NMD3: variants seen among roughly 807,000 people sequenced by gnomAD.
The protein encoded by NMD3 is 60S ribosomal export protein NMD3.
NMD3 carries 47 observed loss-of-function variants against 73.1 expected under a neutral mutation model. The observed-to-expected ratio is 0.64, with a 90% confidence interval of 0.51 to 0.82. NMD3 has a LOEUF of 0.82. Among genes scored for constraint, NMD3 ranks in the 40% least tolerant of loss-of-function variants. The pLI is 0.00. For missense variants in NMD3, 554 were observed against 612.5 expected (o/e 0.90, Z 1.01); for synonymous variants, 210 against 194.5 (o/e 1.08, Z -0.66).
Position 161,242,670 on chromosome 3 carries a change from C to T in NMD3, c.1017+17C>T. 3 of 1,595,004 alleles carry T rather than the reference C, an allele frequency of 1.9e-6. No individual in the cohort carries two copies. The highest frequency in any genetic ancestry group is 1.7e-4 in the Middle Eastern group (1 of 5,940). ...TCAAAAAAGGTAAGCTACATCCTGC[C>T]TGCCAGTGTATTTTTTTTTCCCCTC... On this transcript the variant is annotated intron_variant, in intron 11 of 15. Coordinates refer to ENST00000351193, the MANE Select transcript of NMD3 (RefSeq NM_015938.5).
At chr3:161,231,356 A>G (rs758774356) in intron 4 of NMD3, among the ~76,000 whole-genome samples, 4 of 152,180 alleles carry the variant, frequency 2.6e-5, no homozygotes, top group African/African-American at 4.8e-5. Flanking sequence ...GTTACTGGTA[A>G]TAGAGGCATA....
chr3:161,242,709 T>G (rs1737041070), intron 11 of NMD3, 56 bp downstream of exon 11: 1 of 1,535,190 alleles, frequency 6.5e-7, no homozygotes, highest in Non-Finnish European at 8.8e-7. Flanking sequence ...TATTATTGTT[T>G]CAGTCCCTCT....
chr3:161,252,786 G>A (rs768565512), downstream of NMD3: 4 of 691,660 alleles, frequency 5.8e-6, no homozygotes, highest in South Asian at 6.1e-5. Context: ...TGCACCTGAA[G>A]CTGCTGATTT....
In NMD3 at chr3:161,234,735, T is replaced by C. The variant is rs367608011; in HGVS notation, c.366T>C (p.Asn122=). 63 of 1,609,038 alleles carry C rather than the reference T, an allele frequency of 3.9e-5. 1 individual carries two copies. Among genetic ancestry groups the C allele is most frequent in the South Asian group, 3.0e-4 (27 of 90,138 alleles). ...TGTAATTGTTTTATCAGGTGATGAA[T>C]GGTGCTATCCTTCAACAAGTGTTTG... ...VKLTIQKEVM[N]GAILQQVFVV... Residue 122 remains asparagine (N), a synonymous_variant, in exon 6 of 16, where the codon AAT becomes AAC. Coordinates refer to ENST00000351193, the MANE Select transcript of NMD3 (RefSeq NM_015938.5).
At chr3:161,248,846 A>G (rs1457630739) in intron 13 of NMD3, among the ~76,000 whole-genome samples, 1 of 152,196 alleles carries the variant, frequency 6.6e-6, no homozygotes, top group Non-Finnish European at 1.5e-5. Flanking sequence ...AGCCATGACA[A>G]ATCAAGGACT....
At chr3:161,225,116 GA>G in intron 3 of NMD3, 52 bp downstream of exon 3, 4 of 1,498,138 alleles carry the variant, frequency 2.7e-6, no homozygotes, top group East Asian at 2.5e-5. Context: ...TACATTTAGA[GA>G]ACCACCGAGA....
intron 2 of NMD3, 61 bp downstream of exon 2, chr3:161,222,118 C>A: frequency 7.3e-7 from 1 of 1,378,748 alleles, no homozygotes. Flanking sequence ...GCCCGGGAAA[C>A]TCACTATGGA....
At position 161,238,093 on chromosome 3, in the gene NMD3, GCT is replaced by G. The variant is rs1491493312; in HGVS notation, c.578-19_578-18del. On this transcript the variant is annotated intron_variant, in intron 7 of 15. Transcript: ENST00000351193. ...TATTTTGCATAATTATTTTCATAGG[GCT>G]TTTTTTTTTTTTTTAAGATGGTCTG... is the stretch of plus-strand genomic sequence containing the variant. 1.5e-6 allele frequency: 2 copies of G among 1,364,818 alleles called. No homozygotes were observed. The highest frequency in any genetic ancestry group is 9.9e-7 in the Non-Finnish European group (1 of 1,007,132). The allele number at this position is 1,364,818 out of a possible 1,614,324, so 84.5% of individuals were successfully genotyped here.
At chr3:161,237,556 T>TTG (rs1736805526) in intron 7 of NMD3, among the ~76,000 whole-genome samples, 1 of 143,440 alleles carries the variant, frequency 7.0e-6, no homozygotes, top group African/African-American at 2.6e-5. Context: ...TTTTTTTTTT[T>TTG]TGACATGAAG....
At chr3:161,250,027 C>T (rs576013490) in intron 14 of NMD3, among the ~76,000 whole-genome samples, 1 of 152,066 alleles carries the variant, frequency 6.6e-6, no homozygotes, top group East Asian at 1.9e-4. Flanking sequence ...ATAATTTAAG[C>T]AGAAATGAAG....
chr3:161,247,808 T>C (rs1020262524), intron 13 of NMD3, among the ~76,000 whole-genome samples: 6 of 143,922 alleles, frequency 4.2e-5, no homozygotes, highest in African/African-American at 1.5e-4. Context: ...AAAAAAGAAA[T>C]GGGAGTCTTG....
At chr3:161,224,905 A>G in intron 2 of NMD3, 25 bp from the exon 3 acceptor site, 2 of 1,550,692 alleles carry the variant, frequency 1.3e-6, no homozygotes, top group South Asian at 1.2e-5. Context: ...TCTAATGTGA[A>G]AAATTTATCC....
intron 11 of NMD3, 123 bp from the exon 12 acceptor site, chr3:161,246,213 A>G (rs1737194690): frequency 2.4e-6 from 1 of 412,068 alleles, no homozygotes; most frequent in Non-Finnish European, 4.3e-6. Flanking sequence ...TCAGAAAAAT[A>G]CAAAAAATTT....
chr3:161,226,270 A>G (rs1736311896), intron 3 of NMD3, among the ~76,000 whole-genome samples: 1 of 152,028 alleles, frequency 6.6e-6, no homozygotes, highest in South Asian at 2.1e-4. Context: ...ACTGGCCAAC[A>G]TGGTGAAACC....
intron 13 of NMD3, 51 bp downstream of exon 13, chr3:161,247,381 A>G: frequency 9.0e-7 from 1 of 1,113,942 alleles, no homozygotes; most frequent in Admixed American, 1.8e-5. Flanking sequence ...GGATGAATGT[A>G]ACTCTTAGGG....
At chr3:161,238,679 A>G (rs774817940) in intron 8 of NMD3, 51 bp from the exon 9 acceptor site, 2 of 873,886 alleles carry the variant, frequency 2.3e-6, no homozygotes, top group South Asian at 2.8e-5. Context: ...CTGAGTCCAT[A>G]CAGGTTAATG....
At chr3:161,229,865 G>T (rs1250450681) in intron 4 of NMD3, among the ~76,000 whole-genome samples, 1 of 152,164 alleles carries the variant, frequency 6.6e-6, no homozygotes, top group Non-Finnish European at 1.5e-5. Context: ...GGAGTGAGTA[G>T]CTATGTGATT....
rs1383882740 is a variant in NMD3, at chr3:161,238,183, T to G, written c.648T>G (p.Val216=). ...TGGTCGAATTTCTTCAGTGTACAGT[T>G]CCCTGTAGGTATGTTCTGAACCTTG... The part of the protein sequence containing the change: ...QKMVEFLQCT[V]PCRYKASQRL... The change falls in exon 8 of 16, where the codon GTT becomes GTG. Residue 216 remains valine, a synonymous_variant. Transcript: ENST00000351193. 1.3e-6 allele frequency: 2 copies of G among 1,596,324 alleles called. No homozygotes were observed. Among genetic ancestry groups the G allele is most frequent in the East Asian group, 4.5e-5 (2 of 44,766 alleles).
Position 161,241,180 on chromosome 3 carries a change from A to G in NMD3, c.871+17A>G. On this transcript the variant is annotated intron_variant, in intron 10 of 15. Coordinates refer to ENST00000351193, the MANE Select transcript of NMD3 (RefSeq NM_015938.5). ...CCCTACAAGGTAAATTCTGGAAATG[A>G]TTTGCCTTGACAATTTTGTTTTGTA... The G allele has an allele frequency of 7.0e-7, 1 of 1,438,182 alleles. No individual in the cohort carries two copies. Among genetic ancestry groups the G allele is most frequent in the Non-Finnish European group, 9.8e-7 (1 of 1,024,894 alleles). The allele number at this position is 1,438,182 out of a possible 1,614,324, so 89.1% of individuals were successfully genotyped here.
Sources: allele counts gnomAD v4.1 joint callset (sites outside exome capture counted in the v4.1 genomes callset), GRCh38; gene constraint gnomAD v4.1.1; transcripts MANE v1.5; gene names NCBI Gene and HGNC (gene_info 2026-07-23, HGNC 2026-07-21).